Variants in CA5B observed in about 807,000 individuals in gnomAD.
The protein encoded by CA5B is carbonic anhydrase 5B, also known as carbonic anhydrase 5B, mitochondrial.
In CA5B, 15 loss-of-function variants were observed where a neutral mutation model predicts 23.1. The ratio of observed to expected loss-of-function variants is 0.65; its 90% CI spans 0.43 to 1.00. The LOEUF is 1.00. CA5B is among the 50% of genes least tolerant of loss of function. The probability of loss-of-function intolerance (pLI) is 0.00; values close to 1 mark genes in which losing one functional copy is unlikely to be tolerated. For synonymous variants in CA5B, 84 were observed against 98.5 expected, an observed-to-expected ratio of 0.85 and a Z score of 0.87; for missense variants, 236 against 252.2, an observed-to-expected ratio of 0.94 and a Z score of 0.43.
In CA5B at chrX:15,784,678, G is replaced by A. The variant is rs1267241255; in HGVS notation, c.*2014G>A. The A allele has an allele frequency of 1.8e-5, 2 of 111,942 alleles. No individual in the cohort carries two copies. The highest frequency in any genetic ancestry group is 5.5e-4 in the East Asian group (2 of 3,612). The allele number at this position is 111,942 out of a possible 1,213,427, so 9.2% of individuals were successfully genotyped here. A position where few individuals can be genotyped will look rare whatever the true frequency, so the allele number is the denominator to read the frequency against. ...CTACTGAACTGTACACTTAAAGATC[G>A]TTAGGAAGGAAACGGGACTACATCA... On this transcript the variant is annotated 3_prime_UTR_variant, in exon 8 of 8. Transcript: ENST00000318636.
intron 3 of CA5B, chrX:15,765,055 T>G: frequency 3.6e-6 from 1 of 275,039 alleles, no homozygotes. Context: ...GCAATGGAAG[T>G]TTTACCAGAA....
At chrX:15,759,627 T>C (rs1489071336) in intron 2 of CA5B, among the ~76,000 whole-genome samples, 1 of 105,542 alleles carries the variant, frequency 9.5e-6, no homozygotes, top group Admixed American at 1.0e-4. Context: ...AAGCACAAAA[T>C]AAACCAAACC....
chrX:15,769,574 A>G (rs1285342124), intron 3 of CA5B: 1 of 753,696 alleles, frequency 1.3e-6, no homozygotes, highest in Non-Finnish European at 1.6e-6. Context: ...CTGACTTTAC[A>G]CTTCTTTGCG....
At chrX:15,761,058 C>T (rs145432050) in intron 2 of CA5B, among the ~76,000 whole-genome samples, 8,149 of 111,348 alleles carry the variant, frequency 0.073, 276 homozygotes, top group South Asian at 0.14. Context: ...ATGAAAAATA[C>T]GGTATATTAT....
At chrX:15,768,328 A>G (rs752695064) in intron 3 of CA5B, among the ~76,000 whole-genome samples, 1 of 110,698 alleles carries the variant, frequency 9.0e-6, no homozygotes, top group Non-Finnish European at 1.9e-5. Context: ...TTATCTACCC[A>G]TTTGCATGAG....
intron 3 of CA5B, among the ~76,000 whole-genome samples, chrX:15,765,885 G>A (rs1321948328): frequency 6.3e-5 from 7 of 110,500 alleles, no homozygotes; most frequent in African/African-American, 1.6e-4. Context: ...GGCCAGGAGC[G>A]GTGGCTTATG....
intron 2 of CA5B, among the ~76,000 whole-genome samples, chrX:15,752,720 G>A (rs745797279): frequency 2.7e-4 from 23 of 86,354 alleles, no homozygotes; most frequent in Non-Finnish European, 3.9e-4. Flanking sequence ...GCGAGACTCT[G>A]TCTCAAAAAA....
chrX:15,747,231 G>A (rs888833795), intron 1 of CA5B, among the ~76,000 whole-genome samples: 7 of 111,990 alleles, frequency 6.3e-5, no homozygotes, highest in African/African-American at 1.9e-4. Flanking sequence ...ATTTTGCAAA[G>A]GCGGTTTCAG....
In CA5B at chrX:15,750,079, T is replaced by C; in HGVS notation, c.56T>C (p.Leu19Pro). 8.3e-7 allele frequency: 1 copy of C among 1,210,737 alleles called. No homozygotes were observed. The highest frequency in any genetic ancestry group is 1.1e-6 in the Non-Finnish European group (1 of 894,453). The change falls in exon 2 of 8, where the codon CTG becomes CCG. Residue 19 changes from leucine to proline, a missense_variant. Coordinates refer to ENST00000318636, the MANE Select transcript of CA5B (RefSeq NM_007220.4). The part of the protein sequence containing the change: ...VILQASPGKL[L>P]WRKFQIPRFM... Reference sequence around the variant, plus strand: ...CTTCAAGCCTCTCCAGGCAAATTGCTGTGGAGAAAGTTCCAGATTCCGAGA... The same window carrying C: ...CTTCAAGCCTCTCCAGGCAAATTGCCGTGGAGAAAGTTCCAGATTCCGAGA...
chrX:15,780,515 A>T (rs1379236523), intron 7 of CA5B, among the ~76,000 whole-genome samples: 1 of 110,361 alleles, frequency 9.1e-6, no homozygotes, highest in Non-Finnish European at 1.9e-5. Flanking sequence ...CTCGTGATCC[A>T]CCCGCCTCGG....
At chrX:15,759,378 A>T (rs1467767790) in intron 2 of CA5B, among the ~76,000 whole-genome samples, 1 of 111,300 alleles carries the variant, frequency 9.0e-6, no homozygotes, top group Non-Finnish European at 1.9e-5. Context: ...CATGAATAGG[A>T]TTAGTTCCCA....
chrX:15,777,320 G>T (rs1931950267), intron 7 of CA5B, among the ~76,000 whole-genome samples: 1 of 111,300 alleles, frequency 9.0e-6, no homozygotes, highest in South Asian at 3.6e-4. Context: ...TTGAATTTGG[G>T]ATCTATTTTT....
At chrX:15,770,582 G>A (rs1931797716) in intron 3 of CA5B, among the ~76,000 whole-genome samples, 1 of 109,239 alleles carries the variant, frequency 9.2e-6, no homozygotes. Context: ...TGCTGGGCCT[G>A]CCCCATTTCT....
intron 1 of CA5B, among the ~76,000 whole-genome samples, chrX:15,749,385 C>T (rs771999067): frequency 6.3e-4 from 71 of 111,923 alleles, no homozygotes; most frequent in African/African-American, 2.3e-3. Context: ...TGTTCAAGGG[C>T]CATTGTGTTA....
chrX:15,780,134 A>G (rs149445775), intron 7 of CA5B, among the ~76,000 whole-genome samples: 2,184 of 110,987 alleles, frequency 0.02, 52 homozygotes, highest in African/African-American at 0.068. Flanking sequence ...GTTTGGGGAA[A>G]TCCTTCTGGT....
rs146222968 is a variant in CA5B, at chrX:15,749,251, T to C, written c.-53-720T>C. 7.2e-5 allele frequency among the ~76,000 whole-genome samples: 8 copies of C among 111,855 alleles called. No homozygotes were observed. The East Asian group carries it at 2.2e-3, about 31-fold the overall frequency. ...TGGGGAAAGTGTTCAAAGTTAATAT[T>C]ACCATAACTTCAGAACACCATAGTG... On this transcript the variant is annotated intron_variant, in intron 1 of 7. Coordinates refer to ENST00000318636, the MANE Select transcript of CA5B (RefSeq NM_007220.4).
chrX:15,741,632 C>G (rs189405669), intron 1 of CA5B, among the ~76,000 whole-genome samples: 195 of 110,086 alleles, frequency 1.8e-3, no homozygotes, highest in Non-Finnish European at 2.8e-3. Flanking sequence ...CCACGCCTGG[C>G]TCATTTTTGT....
chrX:15,739,285 G>C (rs1318375258), intron 1 of CA5B, among the ~76,000 whole-genome samples: 4 of 111,637 alleles, frequency 3.6e-5, no homozygotes, highest in African/African-American at 1.3e-4. Context: ...CTGTTTAAAA[G>C]TCTTGCTAGA....
In CA5B at chrX:15,782,786, C is replaced by T. The variant is rs1356933421; in HGVS notation, c.*122C>T. 1 of 519,756 alleles carries T rather than the reference C, an allele frequency of 1.9e-6. No homozygotes were observed. The highest frequency in any genetic ancestry group is 3.9e-5 in the East Asian group (1 of 25,495). The allele number at this position is 519,756 out of a possible 1,213,427, so 42.8% of individuals were successfully genotyped here. A position where few individuals can be genotyped will look rare whatever the true frequency, so the allele number is the denominator to read the frequency against. Reference sequence around the variant, plus strand: ...ATATTTACAGATGTGCATTTCTTAGCATGAGAGTGCTTCATCAGTCTTTGA... The same window carrying T: ...ATATTTACAGATGTGCATTTCTTAGTATGAGAGTGCTTCATCAGTCTTTGA... On this transcript the variant is annotated 3_prime_UTR_variant, in exon 8 of 8. Coordinates refer to ENST00000318636, the MANE Select transcript of CA5B (RefSeq NM_007220.4).
Sources: gnomAD v4.1 joint callset for allele counts (sites outside exome capture counted in the v4.1 genomes callset) on GRCh38, gnomAD v4.1.1 for gene constraint, MANE v1.5 for transcripts, NCBI Gene and HGNC (gene_info 2026-07-23, HGNC 2026-07-21) for gene names.